The following EFNA1 variants were observed in gnomAD, a reference collection of about 807,000 sequenced individuals.
The protein encoded by EFNA1 is ephrin A1.
A neutral mutation model predicts 23.2 loss-of-function variants in EFNA1; 8 were observed. That is an observed-to-expected ratio of 0.34 (90% confidence interval 0.20 to 0.62). The LOEUF (loss-of-function observed/expected upper bound fraction) is 0.62. EFNA1 is among the 20% of genes least tolerant of loss of function. EFNA1 has a pLI of 0.75. For synonymous variants in EFNA1, 89 were observed against 98.6 expected (o/e 0.90, Z 0.58); for missense variants, 217 against 260.0 (o/e 0.83, Z 1.14).
intron 1 of EFNA1, chr1:155,130,503 GGGAGAGA>G: frequency 2.0e-6 from 2 of 982,974 alleles, no homozygotes; most frequent in Non-Finnish European, 1.2e-6. Context: ...GAGGAGAGAG[GGGAGAGA>G]GGGGAGAGGG....
In EFNA1 at chr1:155,131,524, A is replaced by G. The variant is rs745426151; in HGVS notation, c.278A>G (p.Asn93Ser). 18 of 1,613,690 alleles carry G rather than the reference A, an allele frequency of 1.1e-5. No individual in the cohort carries two copies. The South Asian group carries it at 1.9e-4, about 17-fold the overall frequency. Residue 93 changes from asparagine to serine, a missense_variant, in exon 2 of 5, where the codon AAC becomes AGC. Physicochemically the swap from Asn to Ser is conservative, Grantham distance 46. Coordinates refer to ENST00000368407, the MANE Select transcript of EFNA1 (RefSeq NM_004428.3). ...AAGGACCAAGTCCGCTGGCAGTGCAACCGGCCCAGTGCCAAGCATGGCCCG... is the reference window on the plus strand; with the variant it reads ...AAGGACCAAGTCCGCTGGCAGTGCAGCCGGCCCAGTGCCAAGCATGGCCCG... ...QSKDQVRWQC[N>S]RPSAKHGPEK...
chr1:155,133,430 G>T (rs1326037946), intron 2 of EFNA1, 73 bp from the exon 3 acceptor site: 7 of 1,528,554 alleles, frequency 4.6e-6, no homozygotes, highest in Non-Finnish European at 6.3e-6. Flanking sequence ...AGAAAGCAGG[G>T]CGAGGGGCAT....
chr1:155,130,075 G>A (rs1473703350), intron 1 of EFNA1, among the ~76,000 whole-genome samples: 1 of 152,222 alleles, frequency 6.6e-6, no homozygotes, highest in Non-Finnish European at 1.5e-5. Context: ...TCCCCAGGGT[G>A]GGGGAGGGGC....
chr1:155,134,087 C>A lies in EFNA1; in HGVS notation c.*20C>A, dbSNP rs374822353. 7 of 1,607,976 alleles carry A rather than the reference C, an allele frequency of 4.4e-6. No individual in the cohort carries two copies. The East Asian group carries it at 1.6e-4, about 36-fold the overall frequency. On this transcript the variant is annotated 3_prime_UTR_variant, in exon 5 of 5. Transcript: ENST00000368407. The stretch of plus-strand genomic sequence containing the variant: ...CCGTGAAGGTGTATGCCACACCTGG[C>A]CTTAAAGAGGGACAGGCTGAAGAGA...
intron 1 of EFNA1, 79 bp downstream of exon 1, chr1:155,128,148 C>A: frequency 7.6e-7 from 1 of 1,311,640 alleles, no homozygotes; most frequent in Non-Finnish European, 1.1e-6. Context: ...CGGCCAAACC[C>A]TGAGCTGAGC....
intron 2 of EFNA1, among the ~76,000 whole-genome samples, chr1:155,132,859 A>G (rs568719699): frequency 2.0e-5 from 3 of 152,128 alleles, no homozygotes; most frequent in East Asian, 2.0e-4. Context: ...TCAGCTTTGT[A>G]TAAGATGGAT....
intron 1 of EFNA1, chr1:155,131,079 A>T: frequency 3.1e-6 from 4 of 1,288,604 alleles, no homozygotes; most frequent in Non-Finnish European, 3.9e-6. Context: ...GGTTATGGAA[A>T]ATGCTTTGGT....
intron 1 of EFNA1, chr1:155,130,499 A>G (rs1387241942): frequency 2.1e-6 from 2 of 965,788 alleles, no homozygotes; most frequent in African/African-American, 3.9e-5. Flanking sequence ...AGAGGAGGAG[A>G]GAGGGGAGAG....
intron 1 of EFNA1, chr1:155,129,658 T>C (rs985992258): frequency 4.6e-5 from 7 of 151,862 alleles, no homozygotes; most frequent in African/African-American, 1.7e-4. Flanking sequence ...ATGAACGGGG[T>C]AGGTGAGGCT....
intron 1 of EFNA1, 185 bp from the exon 2 acceptor site, chr1:155,131,154 A>T (rs1309473264): frequency 1.6e-5 from 22 of 1,350,614 alleles, no homozygotes. Context: ...GTGCAGGGGA[A>T]TGTTTAGAGA....
At chr1:155,130,811 C>T (rs1183864300) in intron 1 of EFNA1, 1 of 984,962 alleles carries the variant, frequency 1.0e-6, no homozygotes, top group Admixed American at 6.2e-5. Context: ...CTCAGTGGGT[C>T]CGGGGAAATG....
intron 2 of EFNA1, 56 bp from the exon 3 acceptor site, chr1:155,133,447 T>C: frequency 6.3e-7 from 1 of 1,599,296 alleles, no homozygotes. Context: ...GCATTTGGAC[T>C]TACATTTTCT....
intron 1 of EFNA1, chr1:155,129,970 C>A (rs1205341371): frequency 1.3e-5 from 2 of 152,434 alleles, no homozygotes; most frequent in African/African-American, 2.4e-5. Context: ...GAGGGAAAGA[C>A]GCCAGGCCCA....
chr1:155,130,986 A>C, intron 1 of EFNA1: 1 of 985,324 alleles, frequency 1.0e-6, no homozygotes, highest in South Asian at 4.7e-5. Flanking sequence ...AGATTTGGGG[A>C]AATATTTATG....
Position 155,133,484 on chromosome 1 carries a change from C to T in EFNA1, c.389-19C>T. 6.2e-7 allele frequency: 1 copy of T among 1,614,126 alleles called. No homozygotes were observed. The highest frequency in any genetic ancestry group is 8.5e-7 in the Non-Finnish European group (1 of 1,180,012). On this transcript the variant is annotated intron_variant, in intron 2 of 4. Coordinates refer to ENST00000368407, the MANE Select transcript of EFNA1 (RefSeq NM_004428.3). ...CCAGCAAAGGTTTCTTATTTAACCC[C>T]TGTGGGCTTATCTTGCAGCCAAACC...
In EFNA1 at chr1:155,127,975, G is replaced by T. The variant is rs757330952; in HGVS notation, c.-3G>T. 1.2e-6 allele frequency: 2 copies of T among 1,612,334 alleles called. No homozygotes were observed. Among genetic ancestry groups the T allele is most frequent in the Non-Finnish European group, 1.7e-6 (2 of 1,179,832 alleles). On this transcript the variant is annotated 5_prime_UTR_variant, in exon 1 of 5. Coordinates refer to ENST00000368407, the MANE Select transcript of EFNA1 (RefSeq NM_004428.3). This position sits in a 1 kb window ranked among gnomAD's most constrained non-coding sequence, Gnocchi z 4.4. Reference sequence around the variant, plus strand: ...CCCGCTCGGCCTGGCCAGGCCCCGCGCTATGGAGTTCCTCTGGGCCCCTCT... The same window carrying T: ...CCCGCTCGGCCTGGCCAGGCCCCGCTCTATGGAGTTCCTCTGGGCCCCTCT...
At chr1:155,130,504 G>T (rs969344046) in intron 1 of EFNA1, 12 of 983,552 alleles carry the variant, frequency 1.2e-5, no homozygotes, top group Non-Finnish European at 1.4e-5. Flanking sequence ...AGGAGAGAGG[G>T]GAGAGAGGGG....
intron 1 of EFNA1, chr1:155,129,513 C>CCA (rs34899613): frequency 0.15 from 22,341 of 145,776 alleles, 1,914 homozygotes; most frequent in Middle Eastern, 0.21. Context: ...GACCCTCTGG[C>CCA]CACACACACA....
At chr1:155,128,590 A>C (rs1169670404) in intron 1 of EFNA1, among the ~76,000 whole-genome samples, 1 of 152,224 alleles carries the variant, frequency 6.6e-6, no homozygotes, top group Non-Finnish European at 1.5e-5. Flanking sequence ...GCAAACCTGG[A>C]AAGTCCCTCA....
Sources: allele counts gnomAD v4.1 joint callset (sites outside exome capture counted in the v4.1 genomes callset), GRCh38; gene constraint gnomAD v4.1.1; non-coding constraint Gnocchi (gnomAD v3.1); transcripts MANE v1.5; gene names NCBI Gene and HGNC (gene_info 2026-07-23, HGNC 2026-07-21).